Variants in CAMK4 observed in about 807,000 individuals in gnomAD.
CAMK4 encodes the protein calcium/calmodulin-dependent protein kinase type IV.
In CAMK4, 22 loss-of-function variants were observed where a neutral mutation model predicts 44.9. That is an observed-to-expected ratio of 0.49 (90% CI 0.35 to 0.70). CAMK4 has a LOEUF of 0.70. Among genes scored for constraint, CAMK4 ranks in the 30% least tolerant of loss-of-function variants. CAMK4 has a pLI of 0.01. For missense variants in CAMK4, 498 were observed against 586.8 expected (o/e 0.85, Z 1.56); for synonymous variants, 218 against 215.4 (o/e 1.01, Z -0.11).
In CAMK4 at chr5:111,326,252, A is replaced by G. The variant is rs536274301; in HGVS notation, c.162-17772A>G. Among the ~76,000 whole-genome samples, 16 of 152,104 alleles carry G rather than the reference A, an allele frequency of 1.1e-4. No homozygotes were observed. In the South Asian group the frequency reaches 3.1e-3, roughly 30 times the overall value. On this transcript the variant is annotated intron_variant, in intron 1 of 10. Transcript: ENST00000282356. ...AACAAGCAAAAAAATGAAGTCCAATATTAGGGATAAAAGGGAATATCTCTA... is the reference window on the plus strand; with the variant it reads ...AACAAGCAAAAAAATGAAGTCCAATGTTAGGGATAAAAGGGAATATCTCTA...
intron 5 of CAMK4, among the ~76,000 whole-genome samples, chr5:111,444,138 C>T (rs1306449199): frequency 6.6e-6 from 1 of 152,114 alleles, no homozygotes; most frequent in Non-Finnish European, 1.5e-5. Context: ...CATTGAGCAT[C>T]TCCTTGGGAA....
chr5:111,352,069 A>T (rs933535556), intron 2 of CAMK4, among the ~76,000 whole-genome samples: 1 of 152,024 alleles, frequency 6.6e-6, no homozygotes, highest in African/African-American at 2.4e-5. Flanking sequence ...CTCATTATCT[A>T]ATTATCTCCC....
chr5:111,330,271 G>T (rs1007473013), intron 1 of CAMK4, among the ~76,000 whole-genome samples: 2 of 151,332 alleles, frequency 1.3e-5, no homozygotes, highest in African/African-American at 2.4e-5. Context: ...AAAAAACAAT[G>T]AACTGTAACT....
intron 5 of CAMK4, among the ~76,000 whole-genome samples, chr5:111,423,987 T>A (rs1193305724): frequency 6.6e-6 from 1 of 152,204 alleles, no homozygotes; most frequent in Non-Finnish European, 1.5e-5. Flanking sequence ...AAGTAACTTT[T>A]CCAAGATCAC....
rs994855889 is a variant in CAMK4, at chr5:111,489,629, G to T, written c.*5163G>T. On this transcript the variant is annotated 3_prime_UTR_variant, in exon 11 of 11. Transcript: ENST00000282356. ...AAAATAGAAGCCTTGCCGAGAAAGT[G>T]AACTGTCTTACTCCTTCAAAGGAAT... The T allele has an allele frequency of 5.9e-5, 9 of 152,184 alleles. No individual in the cohort carries two copies. Among genetic ancestry groups the T allele is most frequent in the Non-Finnish European group, 1.0e-4 (7 of 68,034 alleles). The allele number at this position is 152,184 out of a possible 1,614,324, so 9.4% of individuals were successfully genotyped here.
chr5:111,227,234 TG>T (rs1426159344), intron 1 of CAMK4, among the ~76,000 whole-genome samples: 1 of 152,216 alleles, frequency 6.6e-6, no homozygotes, highest in Non-Finnish European at 1.5e-5. Context: ...TGCAACAGAA[TG>T]ATGATCGTAG....
rs776470563 is a variant in CAMK4, at chr5:111,464,952, A to G, written c.626-8359A>G. Among the ~76,000 whole-genome samples the G allele has an allele frequency of 5.3e-5, 8 of 152,172 alleles. No homozygotes were observed. The South Asian group carries it at 6.2e-4, about 12-fold the overall frequency. On this transcript the variant is annotated intron_variant, in intron 7 of 10. Transcript: ENST00000282356. ...GCCTTGGATCCTGAGTGATGAGTCA[A>G]TCGGCTTTGTGAACACTCCCAAACC...
intron 5 of CAMK4, among the ~76,000 whole-genome samples, chr5:111,403,989 A>G (rs1417705009): frequency 2.0e-5 from 3 of 152,180 alleles, no homozygotes; most frequent in Non-Finnish European, 2.9e-5. Flanking sequence ...TATTTCTTAT[A>G]AAAGGTTACA....
chr5:111,372,475 G>A (rs766642866), intron 2 of CAMK4, among the ~76,000 whole-genome samples: 55 of 152,092 alleles, frequency 3.6e-4, no homozygotes, highest in Non-Finnish European at 6.9e-4. Flanking sequence ...TACAGACTTG[G>A]AGCTTCTGTG....
At chr5:111,321,379 A>G (rs902465947) in intron 1 of CAMK4, among the ~76,000 whole-genome samples, 11 of 152,160 alleles carry the variant, frequency 7.2e-5, no homozygotes, top group African/African-American at 2.4e-4. Context: ...CCCTGTTCAG[A>G]CCAAACAAAA....
Position 111,394,770 on chromosome 5 carries a change from G to A in CAMK4, c.447G>A (p.Leu149=). The A allele has an allele frequency of 6.2e-7, 1 of 1,609,150 alleles. No homozygotes were observed. Among genetic ancestry groups the A allele is most frequent in the Non-Finnish European group, 8.5e-7 (1 of 1,175,810 alleles). The change falls in exon 5 of 11, where the codon CTG becomes CTA. Residue 149 remains leucine (L), a synonymous_variant. Transcript: ENST00000282356. ...RDAADAVKQI[L]EAVAYLHENG... is the part of the protein sequence containing the mutation. Reference sequence around the variant, plus strand: ...CTGCAGATGCCGTTAAACAAATCCTGGAGGCAGTTGCTGTAAGTATGAAGT... The same window carrying A: ...CTGCAGATGCCGTTAAACAAATCCTAGAGGCAGTTGCTGTAAGTATGAAGT...
intron 5 of CAMK4, among the ~76,000 whole-genome samples, chr5:111,434,368 C>T (rs1753572616): frequency 6.6e-6 from 1 of 150,776 alleles, no homozygotes; most frequent in South Asian, 2.1e-4. Flanking sequence ...ATGGGAAGAA[C>T]AAATAGATAT....
intron 4 of CAMK4, among the ~76,000 whole-genome samples, chr5:111,388,750 G>T (rs904477875): frequency 2.0e-5 from 3 of 152,070 alleles, no homozygotes; most frequent in Non-Finnish European, 1.5e-5. Context: ...GCACATAACA[G>T]TCTCTCCGTA....
intron 4 of CAMK4, among the ~76,000 whole-genome samples, chr5:111,384,769 G>A (rs915402595): frequency 2.0e-5 from 3 of 152,088 alleles, no homozygotes; most frequent in African/African-American, 7.2e-5. Context: ...CATTGCAGTA[G>A]ACTCCTGGAG....
rs1324762447 is a variant in CAMK4, at chr5:111,473,294, T to C, written c.626-17T>C. On this transcript the variant is annotated splice_polypyrimidine_tract_variant and intron_variant, in intron 7 of 10. Transcript: ENST00000282356. The stretch of plus-strand genomic sequence containing the variant: ...TGACTAAGCTCTAATTTAACACAAT[T>C]TTCACTTTTTCTGCAGCACCTGAAA... 4.5e-6 allele frequency: 7 copies of C among 1,567,772 alleles called. No homozygotes were observed. Among genetic ancestry groups the C allele is most frequent in the Non-Finnish European group, 6.1e-6 (7 of 1,138,956 alleles).
At chr5:111,331,407 C>A (rs1226276745) in intron 1 of CAMK4, among the ~76,000 whole-genome samples, 1 of 151,588 alleles carries the variant, frequency 6.6e-6, no homozygotes, top group Non-Finnish European at 1.5e-5. Flanking sequence ...ACTAAAATAG[C>A]AAAAACTAAA....
chr5:111,414,104 C>T (rs527968306), intron 5 of CAMK4, among the ~76,000 whole-genome samples: 6 of 152,224 alleles, frequency 3.9e-5, no homozygotes, highest in African/African-American at 1.4e-4. Flanking sequence ...TTTTACAACC[C>T]TTCACTTGCT....
In CAMK4 at chr5:111,373,267, G is replaced by A. The variant is rs1033617255; in HGVS notation, c.241-1583G>A. 2.6e-5 allele frequency among the ~76,000 whole-genome samples: 4 copies of A among 151,912 alleles called. No homozygotes were observed. In the South Asian group the frequency reaches 8.3e-4, roughly 32 times the overall value. Reference sequence around the variant, plus strand: ...TGCGTATACGGGTGAAATAAACTCTGGAGAAATCTCTCATTGGGCTGGGAA... The same window carrying A: ...TGCGTATACGGGTGAAATAAACTCTAGAGAAATCTCTCATTGGGCTGGGAA... On this transcript the variant is annotated intron_variant, in intron 2 of 10. Transcript: ENST00000282356.
intron 4 of CAMK4, among the ~76,000 whole-genome samples, chr5:111,379,238 CT>C (rs1751326485): frequency 1.3e-5 from 2 of 152,160 alleles, no homozygotes; most frequent in Admixed American, 1.3e-4. Flanking sequence ...CCTCTATTGG[CT>C]TGAGTTAATT....
Sources: gnomAD v4.1 joint callset for allele counts (sites outside exome capture counted in the v4.1 genomes callset) on GRCh38, gnomAD v4.1.1 for gene constraint, MANE v1.5 for transcripts, NCBI Gene and HGNC (gene_info 2026-07-23, HGNC 2026-07-21) for gene names.